STK36: variants seen among roughly 807,000 people sequenced by gnomAD.
STK36 encodes the protein serine/threonine-protein kinase 36.
A neutral mutation model predicts 142.2 loss-of-function variants in STK36; 116 were observed. That is an observed-to-expected ratio of 0.82 (90% CI 0.70 to 0.95). The LOEUF (loss-of-function observed/expected upper bound fraction) is 0.95. Ranked by LOEUF, STK36 falls within the 40% of genes least tolerant of loss-of-function variation. The pLI is 0.00. For missense variants in STK36, 1,422 were observed against 1,617.2 expected, an observed-to-expected ratio of 0.88 and a Z score of 2.07; for synonymous variants, 619 against 641.7, an observed-to-expected ratio of 0.96 and a Z score of 0.53.
chr2:218,672,933 A>G lies in STK36; in HGVS notation c.84+20A>G. On this transcript the variant is annotated intron_variant, in intron 2 of 26. Coordinates refer to ENST00000295709, the MANE Select transcript of STK36 (RefSeq NM_015690.5). ...GCTCAGGTGTTGCACAAAGAGGGAT[A>G]CCTTTTGGGTGGGATTTGGTACCCC... 2 of 1,612,270 alleles carry G rather than the reference A, an allele frequency of 1.2e-6. No individual in the cohort carries two copies. The highest frequency in any genetic ancestry group is 4.5e-5 in the East Asian group (2 of 44,852).
rs752600883 is a variant in STK36, at chr2:218,673,763, G to A, written c.223G>A (p.Glu75Lys). 6.8e-6 allele frequency: 11 copies of A among 1,613,984 alleles called. No individual in the cohort carries two copies. In the East Asian group the frequency reaches 2.0e-4, roughly 29 times the overall value. ...GCTTGACAGCTTTGAAACTGATAAAGAGGTGTGCTTTGACAGTTTTGGGCC... is the reference window on the plus strand; with the variant it reads ...GCTTGACAGCTTTGAAACTGATAAAAAGGTGTGCTTTGACAGTTTTGGGCC... ...HMLDSFETDK[E>K]VVVVTDYAEG... is the part of the protein sequence containing the mutation. Residue 75 changes from glutamate (E) to lysine (K), a missense_variant and splice_region_variant, in exon 3 of 27, where the codon GAG becomes AAG. Transcript: ENST00000295709.
chr2:218,687,474 A>G (rs949260534), intron 11 of STK36, among the ~76,000 whole-genome samples: 1 of 152,218 alleles, frequency 6.6e-6, no homozygotes, highest in African/African-American at 2.4e-5. Flanking sequence ...ATGTGGATAT[A>G]TAATTGTCCT....
chr2:218,699,349 G>A lies in STK36; in HGVS notation c.3804+1G>A. 1 of 1,613,032 alleles carries A rather than the reference G, an allele frequency of 6.2e-7. No homozygotes were observed. Among genetic ancestry groups the A allele is most frequent in the Non-Finnish European group, 8.5e-7 (1 of 1,179,682 alleles). On this transcript the variant is annotated splice_donor_variant, in intron 26 of 26. Coordinates refer to ENST00000295709, the MANE Select transcript of STK36 (RefSeq NM_015690.5). LOFTEE classifies it high-confidence loss of function. Reference sequence around the variant, plus strand: ...GCAACAGGAGCCTGGCATCCATCAGGTATACCCTACAGCACTTATGAACCA... The same window carrying A: ...GCAACAGGAGCCTGGCATCCATCAGATATACCCTACAGCACTTATGAACCA...
chr2:218,680,955 C>T (rs899701775), intron 10 of STK36, among the ~76,000 whole-genome samples: 1 of 152,050 alleles, frequency 6.6e-6, no homozygotes, highest in Non-Finnish European at 1.5e-5. Flanking sequence ...TAATTTAGTC[C>T]GTCTCCTCCC....
At chr2:218,683,961 C>CTTTT (rs35930271) in intron 10 of STK36, among the ~76,000 whole-genome samples, 7 of 135,864 alleles carry the variant, frequency 5.2e-5, no homozygotes, top group African/African-American at 1.6e-4. Flanking sequence ...ATATGTGCCA[C>CTTTT]TTTTTTTTTT....
intron 1 of STK36, 99 bp downstream of exon 1, chr2:218,672,314 C>A (rs1940016297): frequency 2.6e-6 from 1 of 391,878 alleles, no homozygotes; most frequent in Non-Finnish European, 4.7e-6. Flanking sequence ...TGGGGCTAAA[C>A]GCCAGGGAAT....
chr2:218,675,296 G>A, intron 4 of STK36, 47 bp from the exon 5 acceptor site: 1 of 1,576,346 alleles, frequency 6.3e-7, no homozygotes, highest in Admixed American at 1.8e-5. Flanking sequence ...TCAGCCAGCT[G>A]CTGTTTCTAA....
chr2:218,677,125 G>A (rs984306141), intron 6 of STK36, among the ~76,000 whole-genome samples: 1 of 151,996 alleles, frequency 6.6e-6, no homozygotes, highest in East Asian at 1.9e-4. Context: ...TAGAGATGAG[G>A]TTTCTCCATG....
At chr2:218,685,261 A>G in intron 11 of STK36, 33 bp downstream of exon 11, 1 of 1,611,468 alleles carries the variant, frequency 6.2e-7, no homozygotes, top group Non-Finnish European at 8.5e-7. Flanking sequence ...GGATGGGATC[A>G]AGACTGTTTT....
intron 11 of STK36, 69 bp from the exon 12 acceptor site, chr2:218,688,628 G>A: frequency 6.6e-7 from 1 of 1,526,074 alleles, no homozygotes; most frequent in Non-Finnish European, 8.9e-7. Context: ...GGGATGCTTG[G>A]TATGTGTAGT....
intron 11 of STK36, among the ~76,000 whole-genome samples, chr2:218,686,445 G>T (rs1940782637): frequency 6.6e-6 from 1 of 151,964 alleles, no homozygotes; most frequent in South Asian, 2.1e-4. Flanking sequence ...TTTTTGTAGA[G>T]ATAGGGTTTT....
At position 218,701,803 on chromosome 2, in the gene STK36, G is replaced by T; in HGVS notation, c.3805-63G>T. The T allele has an allele frequency of 6.3e-7, 1 of 1,590,550 alleles. No individual in the cohort carries two copies. The highest frequency in any genetic ancestry group is 1.1e-5 in the South Asian group (1 of 87,692). On this transcript the variant is annotated intron_variant, in intron 26 of 26. Transcript: ENST00000295709. ...GGGTAAATGAGAGTCCTCCGCACCTGCCCCAGACACCACCATTTCTGAGCC... is the reference window on the plus strand; with the variant it reads ...GGGTAAATGAGAGTCCTCCGCACCTTCCCCAGACACCACCATTTCTGAGCC...
At chr2:218,696,434 G>C in intron 21 of STK36, 93 bp from the exon 22 acceptor site, 1 of 1,073,614 alleles carries the variant, frequency 9.3e-7, no homozygotes, top group South Asian at 1.3e-5. Flanking sequence ...TCTCAAATCT[G>C]TTCCCTCCAT....
chr2:218,682,442 A>G (rs1360811724), intron 10 of STK36, among the ~76,000 whole-genome samples: 2 of 152,214 alleles, frequency 1.3e-5, no homozygotes, highest in Non-Finnish European at 2.9e-5. Flanking sequence ...TATGAAAGTC[A>G]GAAATTTAAC....
intron 7 of STK36, 50 bp from the exon 8 acceptor site, chr2:218,679,510 A>G (rs368105834): frequency 1.9e-6 from 3 of 1,580,342 alleles, no homozygotes; most frequent in Non-Finnish European, 1.7e-6. Flanking sequence ...AAGTGGACAC[A>G]GGGACTATGG....
At chr2:218,675,309 T>G (rs1002069970) in intron 4 of STK36, 34 bp from the exon 5 acceptor site, 2 of 1,580,394 alleles carry the variant, frequency 1.3e-6, no homozygotes, top group Non-Finnish European at 1.7e-6. Flanking sequence ...GTTTCTAACC[T>G]TTTTTTTCTT....
chr2:218,699,717 G>A (rs1416955461), intron 26 of STK36, among the ~76,000 whole-genome samples: 2 of 152,118 alleles, frequency 1.3e-5, no homozygotes, highest in African/African-American at 2.4e-5. Context: ...AGAAAAGCAC[G>A]ATGCTAAGCA....
rs910919691 is a variant in STK36 at position 218,679,734 on chromosome 2, G to A, written c.948+5G>A. On this transcript the variant is annotated splice_donor_5th_base_variant and intron_variant, in intron 8 of 26. Transcript: ENST00000295709. ...GCTGAGGAGGCCATGCAGAAGGTGT[G>A]TGGGGCAGAGGAAAATATGTGAAAT... The A allele has an allele frequency of 2.5e-6, 4 of 1,614,092 alleles. No homozygotes were observed. The highest frequency in any genetic ancestry group is 3.4e-6 in the Non-Finnish European group (4 of 1,180,040).
intron 2 of STK36, 112 bp from the exon 3 acceptor site, chr2:218,673,513 A>C: frequency 7.3e-7 from 1 of 1,375,414 alleles, no homozygotes; most frequent in Non-Finnish European, 9.8e-7. Flanking sequence ...AAATAATAAG[A>C]GTTACTCAAA....
Sources: gnomAD v4.1 joint callset for allele counts (sites outside exome capture counted in the v4.1 genomes callset) on GRCh38, gnomAD v4.1.1 for gene constraint, MANE v1.5 for transcripts, NCBI Gene and HGNC (gene_info 2026-07-23, HGNC 2026-07-21) for gene names.